The following SLC24A2 variants were observed in gnomAD, a reference collection of about 807,000 sequenced individuals.
SLC24A2 encodes the protein solute carrier family 24 member 2.
Under a neutral mutation model 62.0 loss-of-function variants are expected in SLC24A2, and 36 were observed. The ratio of observed to expected loss-of-function variants is 0.58; its 90% CI spans 0.44 to 0.77. The LOEUF is 0.77. SLC24A2 is among the 30% of genes least tolerant of loss of function. The pLI, the probability that SLC24A2 is intolerant of heterozygous loss-of-function variation, is 0.00. For synonymous variants in SLC24A2, 358 were observed against 294.0 expected (o/e 1.22, Z -2.23); for missense variants, 846 against 817.9 (o/e 1.03, Z -0.42).
chr9:20,126,612 G>T, the SLC24A2 span, among the ~76,000 whole-genome samples: 2 of 152,138 alleles, frequency 1.3e-5, no homozygotes, highest in African/African-American at 4.8e-5. Context: ...CCCAAAGTTA[G>T]GGAAAGTGCC....
the SLC24A2 span, among the ~76,000 whole-genome samples, chr9:19,975,277 A>C: frequency 6.6e-6 from 1 of 152,238 alleles, no homozygotes; most frequent in South Asian, 2.1e-4. Flanking sequence ...AGACATACTG[A>C]CTATATATTC....
At chr9:20,123,184 G>A in the SLC24A2 span, among the ~76,000 whole-genome samples, 1 of 152,080 alleles carries the variant, frequency 6.6e-6, no homozygotes, top group Admixed American at 6.6e-5. Flanking sequence ...TTCTAGCTGT[G>A]TCCTCACATA....
chr9:20,120,307 G>A, the SLC24A2 span, among the ~76,000 whole-genome samples: 1 of 152,024 alleles, frequency 6.6e-6, no homozygotes, highest in African/African-American at 2.4e-5. Context: ...AATCAACCAA[G>A]ATGCCCATAA....
At chr9:20,038,175 G>C in the SLC24A2 span, among the ~76,000 whole-genome samples, 1 of 152,154 alleles carries the variant, frequency 6.6e-6, no homozygotes, top group African/African-American at 2.4e-5. Flanking sequence ...CCAGAGTTAA[G>C]TTTCTTGCAC....
the SLC24A2 span, among the ~76,000 whole-genome samples, chr9:20,121,043 T>A: frequency 2.7e-5 from 4 of 150,224 alleles, no homozygotes; most frequent in East Asian, 7.8e-4. Context: ...GTTTTGAAAT[T>A]AGGTACTATG....
chr9:20,033,350 C>T, the SLC24A2 span, among the ~76,000 whole-genome samples: 2 of 152,156 alleles, frequency 1.3e-5, no homozygotes, highest in East Asian at 1.9e-4. Flanking sequence ...TAAGTGGAGA[C>T]TTGCAATGAA....
At chr9:19,754,605 G>C (rs1822080164) in intron 2 of SLC24A2, among the ~76,000 whole-genome samples, 1 of 151,902 alleles carries the variant, frequency 6.6e-6, no homozygotes, top group Admixed American at 6.6e-5. Context: ...AGTCAGGTTA[G>C]AGGCTGTGTT....
At chr9:19,725,576 T>C (rs1821146061) in intron 2 of SLC24A2, among the ~76,000 whole-genome samples, 1 of 152,206 alleles carries the variant, frequency 6.6e-6, no homozygotes, top group African/African-American at 2.4e-5. Flanking sequence ...CAGCATTTTT[T>C]TACAGCATTT....
the SLC24A2 span, among the ~76,000 whole-genome samples, chr9:20,046,070 C>T: frequency 6.6e-6 from 1 of 152,218 alleles, no homozygotes. Flanking sequence ...GACAGCTCTC[C>T]TTTCAGAAGA....
chr9:19,767,742 T>G (rs570060054), intron 2 of SLC24A2, among the ~76,000 whole-genome samples: 30 of 152,378 alleles, frequency 2.0e-4, no homozygotes, highest in Middle Eastern at 3.4e-3. Context: ...GAGCTGTTTT[T>G]ATTCAGCCAA....
chr9:19,908,634 T>G, the SLC24A2 span, among the ~76,000 whole-genome samples: 1,478 of 151,980 alleles, frequency 9.7e-3, 24 homozygotes, highest in African/African-American at 0.034. Context: ...CAAACAAATT[T>G]ACAAGAAAAA....
intron 8 of SLC24A2, among the ~76,000 whole-genome samples, chr9:19,535,638 G>A (rs1407367767): frequency 2.0e-5 from 3 of 152,096 alleles, no homozygotes; most frequent in African/African-American, 7.2e-5. Flanking sequence ...GTTTTTGTCA[G>A]GTTTGTCAAA....
At chr9:19,858,506 C>A in the SLC24A2 span, among the ~76,000 whole-genome samples, 1 of 151,954 alleles carries the variant, frequency 6.6e-6, no homozygotes, top group East Asian at 1.9e-4. Flanking sequence ...GCAAATGGAA[C>A]CTAATTAAAG....
chr9:20,296,583 G>C, the SLC24A2 span, among the ~76,000 whole-genome samples: 2 of 152,214 alleles, frequency 1.3e-5, no homozygotes, highest in African/African-American at 2.4e-5. Context: ...TGTACAAAAA[G>C]GACCTCTCTT....
the SLC24A2 span, among the ~76,000 whole-genome samples, chr9:19,829,433 A>G: frequency 4.6e-5 from 7 of 152,186 alleles, no homozygotes; most frequent in East Asian, 1.9e-4. Flanking sequence ...CAAGCACTCA[A>G]TGAATGATTT....
the SLC24A2 span, among the ~76,000 whole-genome samples, chr9:20,232,344 G>A: frequency 8.2e-3 from 1,251 of 152,208 alleles, 21 homozygotes; most frequent in East Asian, 0.046. Flanking sequence ...GGTAGAATTC[G>A]GCTGTGAATC....
At chr9:19,970,497 C>T in the SLC24A2 span, among the ~76,000 whole-genome samples, 1 of 152,134 alleles carries the variant, frequency 6.6e-6, no homozygotes, top group Admixed American at 6.6e-5. Flanking sequence ...CACAGAAAAT[C>T]TCCCTGAGAG....
the SLC24A2 span, among the ~76,000 whole-genome samples, chr9:19,900,515 T>A: frequency 2.0e-5 from 3 of 152,346 alleles, no homozygotes; most frequent in East Asian, 5.8e-4. Flanking sequence ...GTTCTTCTTC[T>A]ACTAAAACCA....
chr9:20,176,289 T>C, the SLC24A2 span, among the ~76,000 whole-genome samples: 1 of 152,166 alleles, frequency 6.6e-6, no homozygotes, highest in African/African-American at 2.4e-5. Context: ...ATTTACTTCA[T>C]TTTACTGGAA....
Sources: allele counts gnomAD v4.1 joint callset (sites outside exome capture counted in the v4.1 genomes callset), GRCh38; gene constraint gnomAD v4.1.1; transcripts MANE v1.5; gene names NCBI Gene and HGNC (gene_info 2026-07-23, HGNC 2026-07-21).